Variants in UBR1 observed in about 807,000 individuals in gnomAD.
UBR1 encodes the protein E3 ubiquitin-protein ligase UBR1.
In UBR1, 102 loss-of-function variants were observed where a neutral mutation model predicts 242.1. The observed-to-expected ratio is 0.42, with a 90% CI of 0.36 to 0.50. The LOEUF (loss-of-function observed/expected upper bound fraction) is 0.50, where lower values mean the gene tolerates loss of function less well. Among genes scored for constraint, UBR1 ranks in the 20% least tolerant of loss-of-function variants. UBR1 has a pLI of 0.01. For missense variants in UBR1, 1,772 were observed against 2,101.8 expected (o/e 0.84, Z 3.07); for synonymous variants, 675 against 684.8 (o/e 0.99, Z 0.22).
chr15:43,074,952 C>A (rs1203383780), intron 4 of UBR1, 27 bp downstream of exon 4: 1 of 1,543,744 alleles, frequency 6.5e-7, no homozygotes, highest in South Asian at 1.1e-5. Flanking sequence ...AAATAGTTAA[C>A]AATTTTTAAC....
chr15:42,947,555 C>T (rs2031758782), intron 46 of UBR1, among the ~76,000 whole-genome samples: 2 of 152,170 alleles, frequency 1.3e-5, no homozygotes, highest in South Asian at 2.1e-4. Context: ...AGCCCAAAAT[C>T]TCCTTAAGCT....
At chr15:43,074,849 C>G (rs2033867990) in intron 4 of UBR1, 130 bp downstream of exon 4, 6 of 733,244 alleles carry the variant, frequency 8.2e-6, no homozygotes, top group South Asian at 3.3e-5. Flanking sequence ...GAAAAAAAGC[C>G]TCCTTACACC....
chr15:43,079,008 T>C (rs2033941733), intron 3 of UBR1, among the ~76,000 whole-genome samples: 1 of 152,188 alleles, frequency 6.6e-6, no homozygotes, highest in Non-Finnish European at 1.5e-5. Flanking sequence ...AATGAAAAGT[T>C]AATGAATAAC....
chr15:42,975,925 G>C (rs1330524655), intron 39 of UBR1, among the ~76,000 whole-genome samples: 1 of 152,060 alleles, frequency 6.6e-6, no homozygotes, highest in East Asian at 1.9e-4. Flanking sequence ...ACCATCTTGT[G>C]CAGGCTGTTC....
chr15:43,017,276 T>G, intron 27 of UBR1, 95 bp from the exon 28 acceptor site: 1 of 836,048 alleles, frequency 1.2e-6, no homozygotes. Context: ...GCATCATATC[T>G]CCAAATGTCT....
At chr15:42,963,813 C>T in intron 42 of UBR1, 122 bp downstream of exon 42, 1 of 737,938 alleles carries the variant, frequency 1.4e-6, no homozygotes, top group South Asian at 1.5e-5. Context: ...ACTTAGGAAT[C>T]TCCTATACTT....
At position 43,025,395 on chromosome 15, in the gene UBR1, T is replaced by C; in HGVS notation, c.2570A>G (p.Glu857Gly). 2 of 1,609,192 alleles carry C rather than the reference T, an allele frequency of 1.2e-6. No individual in the cohort carries two copies. Among genetic ancestry groups the C allele is most frequent in the Non-Finnish European group, 1.7e-6 (2 of 1,177,512 alleles). The change falls in exon 24 of 47, where the codon GAA becomes GGA. Residue 857 changes from glutamate to glycine, a missense_variant. Physicochemically the swap from Glu to Gly is moderately conservative, Grantham distance 98. Around this residue, in one of 3 missense-constraint regions of UBR1, gnomAD observed 965 missense variants for 1,079.7 expected, o/e 0.89. Transcript: ENST00000290650. ...EHMQKKRRKQ[E>G]NKDEALPPPP... Reference sequence around the variant, plus strand: ...TCACTTTTTACCTTCATCTTTGTTTTCTTGTTTTCTCCTTTTCTTCTGCAT... The same window carrying C: ...TCACTTTTTACCTTCATCTTTGTTTCCTTGTTTTCTCCTTTTCTTCTGCAT...
intron 22 of UBR1, among the ~76,000 whole-genome samples, chr15:43,027,134 G>A (rs1375819894): frequency 6.6e-6 from 1 of 151,984 alleles, no homozygotes; most frequent in East Asian, 1.9e-4. Context: ...GAAAATCACT[G>A]AGGTCAAAAG....
chr15:43,092,694 C>T (rs989287717), intron 1 of UBR1, among the ~76,000 whole-genome samples: 8 of 152,242 alleles, frequency 5.3e-5, no homozygotes, highest in African/African-American at 1.2e-4. Context: ...GCTGGGACTA[C>T]GGGCGCGTGC....
At position 43,059,700 on chromosome 15, in the gene UBR1, A is replaced by G; in HGVS notation, c.985+2T>C. 1 of 1,614,020 alleles carries G rather than the reference A, an allele frequency of 6.2e-7. No homozygotes were observed. The highest frequency in any genetic ancestry group is 8.5e-7 in the Non-Finnish European group (1 of 1,179,968). ...AACAAGAAAAACAGGAGGTATGCTT[A>G]CTTGAATAGCTCATAATTTTGTTCA... On this transcript the variant is annotated splice_donor_variant, in intron 8 of 46. Coordinates refer to ENST00000290650, the MANE Select transcript of UBR1 (RefSeq NM_174916.3). LOFTEE classifies it high-confidence loss of function.
intron 18 of UBR1, 101 bp from the exon 19 acceptor site, chr15:43,036,380 G>T: frequency 8.1e-7 from 1 of 1,230,730 alleles, no homozygotes; most frequent in Non-Finnish European, 1.2e-6. Flanking sequence ...AGAAGATAAT[G>T]TAGTAGTCCC....
In UBR1 at chr15:43,015,578, C is replaced by T. The variant is rs2033009415; in HGVS notation, c.3209+110G>A. The T allele has an allele frequency of 4.2e-6, 5 of 1,197,114 alleles. No homozygotes were observed. In the South Asian group the frequency reaches 4.9e-5, roughly 12 times the overall value. 74.2% of individuals were successfully genotyped at this position (1,197,114 alleles called of 1,614,324 possible). A position where few individuals can be genotyped will look rare whatever the true frequency, so the allele number is the denominator to read the frequency against. On this transcript the variant is annotated intron_variant, in intron 29 of 46. Transcript: ENST00000290650. ...ACTTGTTTATCTGCTGACCTTCCCT[C>T]CACTATTGTCCTATGACCCTGCCAA...
intron 15 of UBR1, among the ~76,000 whole-genome samples, chr15:43,039,148 T>C (rs568058012): frequency 3.3e-3 from 504 of 152,130 alleles, no homozygotes; most frequent in Middle Eastern, 6.8e-3. Flanking sequence ...CAATATAAAA[T>C]CACATGACAT....
intron 36 of UBR1, 71 bp from the exon 37 acceptor site, chr15:42,984,064 T>A: frequency 7.8e-7 from 1 of 1,275,624 alleles, no homozygotes; most frequent in Non-Finnish European, 1.1e-6. Context: ...CACTTAAGAG[T>A]TGGTAAAAAC....
intron 37 of UBR1, among the ~76,000 whole-genome samples, chr15:42,981,928 A>G (rs1425259998): frequency 6.6e-6 from 1 of 152,196 alleles, no homozygotes; most frequent in Non-Finnish European, 1.5e-5. Context: ...TCATATGAAA[A>G]ACTTTCATAT....
chr15:42,987,607 G>A (rs2032489816), intron 35 of UBR1, among the ~76,000 whole-genome samples: 1 of 151,530 alleles, frequency 6.6e-6, no homozygotes, highest in East Asian at 1.9e-4. Context: ...CCAGCTACTC[G>A]GGAGCCTGAG....
chr15:42,977,921 C>T lies in UBR1; in HGVS notation c.4177G>A (p.Asp1393Asn). 2 of 1,613,234 alleles carry T rather than the reference C, an allele frequency of 1.2e-6. No individual in the cohort carries two copies. The highest frequency in any genetic ancestry group is 1.7e-6 in the Non-Finnish European group (2 of 1,179,448). Reference protein sequence around the residue: ...SVVLPNIKSEDTPCLLSIDLF... With the variant: ...SVVLPNIKSENTPCLLSIDLF... ...TCTATAGACAGAAGGCATGGTGTAT[C>T]TTCTGATTTTATGTTAGGAAGAACA... The change falls in exon 38 of 47, where the codon GAT (aspartate) becomes AAT (asparagine). Residue 1393 changes from aspartate (D) to asparagine (N), a missense_variant. By Grantham distance (23) the Asp-to-Asn change is conservative. Around this residue, in one of 3 missense-constraint regions of UBR1, gnomAD observed 965 missense variants for 1,079.7 expected, o/e 0.89. Transcript: ENST00000290650.
At chr15:42,954,024 A>AG (rs964285232) in intron 44 of UBR1, among the ~76,000 whole-genome samples, 1 of 151,708 alleles carries the variant, frequency 6.6e-6, no homozygotes, top group African/African-American at 2.4e-5. Context: ...CTGAGACTAC[A>AG]GGCACATGCC....
chr15:43,006,111 AAAAAAAAAGAAAAG>A (rs1436230774), intron 30 of UBR1, among the ~76,000 whole-genome samples: 3 of 150,592 alleles, frequency 2.0e-5, no homozygotes, highest in Admixed American at 6.6e-5. Context: ...AAAAAGAAAA[AAAAAAAAAGAAAAG>A]AAAAGCACAG....
Sources: gnomAD v4.1 joint callset for allele counts (sites outside exome capture counted in the v4.1 genomes callset) on GRCh38, gnomAD v4.1.1 for gene constraint, gnomAD v4.1.1 regional missense constraint, MANE v1.5 for transcripts, NCBI Gene and HGNC (gene_info 2026-07-23, HGNC 2026-07-21) for gene names.